Variants in ZNF362 observed in about 807,000 individuals in gnomAD.
ZNF362 encodes rotund homolog.
ZNF362 carries 11 observed loss-of-function variants against 42.9 expected under a neutral mutation model. The ratio of observed to expected loss-of-function variants is 0.26; its 90% CI spans 0.16 to 0.42. The LOEUF is 0.42. Among genes scored for constraint, ZNF362 ranks in the 20% least tolerant of loss-of-function variants. The probability of loss-of-function intolerance (pLI) is 1.00; values close to 1 mark genes in which losing one functional copy is unlikely to be tolerated. For synonymous variants in ZNF362, 255 were observed against 257.3 expected (o/e 0.99, Z 0.09); for missense variants, 362 against 576.2 (o/e 0.63, Z 3.81).
At chr1:33,226,470 A>T in the ZNF362 span, among the ~76,000 whole-genome samples, 1 of 152,232 alleles carries the variant, frequency 6.6e-6, no homozygotes, top group Admixed American at 6.5e-5. Flanking sequence ...TGATGAATGG[A>T]TAAACAAAAT....
the ZNF362 span, among the ~76,000 whole-genome samples, chr1:33,151,184 A>C: frequency 6.6e-6 from 1 of 152,078 alleles, no homozygotes; most frequent in Non-Finnish European, 1.5e-5. Context: ...AAGCCTGCAG[A>C]TTGGAGGAAA....
chr1:33,142,602 A>G, the ZNF362 span: 6 of 152,200 alleles, frequency 3.9e-5, no homozygotes, highest in Admixed American at 3.3e-4. Context: ...GGCCTTTCTA[A>G]CTCCACCTCT....
chr1:33,256,140 G>GC, upstream of ZNF362, among the ~76,000 whole-genome samples: 1 of 150,370 alleles, frequency 6.7e-6, no homozygotes, highest in South Asian at 2.1e-4. Context: ...GCGCGGCGCG[G>GC]GCGGGGGGCG....
the ZNF362 span, among the ~76,000 whole-genome samples, chr1:33,155,133 G>A: frequency 1.1e-4 from 17 of 148,162 alleles, no homozygotes; most frequent in Admixed American, 4.7e-4. Context: ...GTGCAGTGGC[G>A]CGATCTCGGC....
intron 6 of ZNF362, among the ~76,000 whole-genome samples, chr1:33,282,208 G>A (rs546200528): frequency 1.8e-4 from 28 of 152,256 alleles, no homozygotes; most frequent in African/African-American, 6.0e-4. Flanking sequence ...TGTCACGCCC[G>A]TGTCTCTTTA....
At chr1:33,180,981 C>G in the ZNF362 span, 18 of 586,998 alleles carry the variant, frequency 3.1e-5, no homozygotes, top group Non-Finnish European at 4.9e-5. Context: ...GGCCCCACCT[C>G]CAGCCCGGCC....
chr1:33,204,828 A>T, the ZNF362 span, among the ~76,000 whole-genome samples: 1 of 152,212 alleles, frequency 6.6e-6, no homozygotes, highest in Non-Finnish European at 1.5e-5. Flanking sequence ...GCTTCAGGAT[A>T]CAAAATTAAT....
Position 33,270,880 on chromosome 1 carries a change from G to A in ZNF362, c.38+268G>A, listed in dbSNP as rs374930041. 5.3e-5 allele frequency among the ~76,000 whole-genome samples: 8 copies of A among 152,278 alleles called. No individual in the cohort carries two copies. In the East Asian group the frequency reaches 7.7e-4, roughly 15 times the overall value. On this transcript the variant is annotated intron_variant, in intron 2 of 8. Coordinates refer to ENST00000539719, the MANE Select transcript of ZNF362 (RefSeq NM_152493.3). ...GTCATTTGTGTCTGGGTTTGGTGCT[G>A]TCTGTCCGCATGTTCCTGTGGCTGT... is the stretch of plus-strand genomic sequence containing the variant.
chr1:33,265,947 G>A (rs753198907), intron 1 of ZNF362, among the ~76,000 whole-genome samples: 7 of 152,112 alleles, frequency 4.6e-5, no homozygotes, highest in Non-Finnish European at 7.4e-5. Flanking sequence ...TTCCTGCCTC[G>A]GGGCCTTTGC....
chr1:33,277,331 C>T (rs911124965), intron 4 of ZNF362, among the ~76,000 whole-genome samples: 7 of 152,220 alleles, frequency 4.6e-5, no homozygotes, highest in African/African-American at 1.4e-4. Flanking sequence ...TAGTAAGAGG[C>T]AGAGGCCGGC....
the ZNF362 span, among the ~76,000 whole-genome samples, chr1:33,212,115 G>C: frequency 1.3e-5 from 2 of 152,132 alleles, no homozygotes; most frequent in African/African-American, 4.8e-5. Context: ...TTGTTAAAAA[G>C]TGTGTAGCAC....
chr1:33,273,447 C>T (rs1483903158), intron 2 of ZNF362, among the ~76,000 whole-genome samples: 1 of 152,226 alleles, frequency 6.6e-6, no homozygotes, highest in Non-Finnish European at 1.5e-5. Context: ...ACCCCCTCTT[C>T]CCATAGCCTC....
the ZNF362 span, among the ~76,000 whole-genome samples, chr1:33,223,850 G>A: frequency 4.7e-3 from 689 of 147,906 alleles, 5 homozygotes; most frequent in Admixed American, 0.019. Context: ...CCAAGATCAC[G>A]TCACTACACT....
chr1:33,192,643 A>G, the ZNF362 span, among the ~76,000 whole-genome samples: 1 of 152,284 alleles, frequency 6.6e-6, no homozygotes, highest in East Asian at 1.9e-4. Flanking sequence ...ACGCATATGA[A>G]GGGTAAGGGA....
chr1:33,170,100 C>A, the ZNF362 span, among the ~76,000 whole-genome samples: 2 of 152,112 alleles, frequency 1.3e-5, no homozygotes, highest in African/African-American at 2.4e-5. Context: ...GAGGCTGAGA[C>A]CTTTGGATCA....
At chr1:33,183,220 G>A in the ZNF362 span, among the ~76,000 whole-genome samples, 1 of 152,152 alleles carries the variant, frequency 6.6e-6, no homozygotes, top group East Asian at 1.9e-4. Flanking sequence ...GTTGGATACG[G>A]GGGTGAGGGA....
chr1:33,190,931 A>G, the ZNF362 span, among the ~76,000 whole-genome samples: 1 of 152,206 alleles, frequency 6.6e-6, no homozygotes, highest in Non-Finnish European at 1.5e-5. Flanking sequence ...CATCAGCAGC[A>G]TCTTTCCTTA....
the ZNF362 span, among the ~76,000 whole-genome samples, chr1:33,204,544 A>T: frequency 6.6e-6 from 1 of 152,208 alleles, no homozygotes. Flanking sequence ...ATTGGAATAA[A>T]CCTGTATATG....
intron 1 of ZNF362, among the ~76,000 whole-genome samples, chr1:33,262,606 C>T (rs925091261): frequency 2.6e-5 from 4 of 152,148 alleles, no homozygotes; most frequent in Non-Finnish European, 5.9e-5. Flanking sequence ...CGCACCTGGC[C>T]GGCTTTAGGA....
Sources: gnomAD v4.1 joint callset for allele counts (sites outside exome capture counted in the v4.1 genomes callset) on GRCh38, gnomAD v4.1.1 for gene constraint, MANE v1.5 for transcripts, NCBI Gene and HGNC (gene_info 2026-07-23, HGNC 2026-07-21) for gene names.